Variants in UBA6 observed in about 807,000 individuals in gnomAD.
The protein encoded by UBA6 is ubiquitin like modifier activating enzyme 6, also known as ubiquitin-like modifier-activating enzyme 6.
In UBA6, 87 loss-of-function variants were observed where a neutral mutation model predicts 148.3. The observed-to-expected ratio is 0.59, with a 90% confidence interval of 0.49 to 0.70. The LOEUF (loss-of-function observed/expected upper bound fraction) is 0.70. Ranked by LOEUF, UBA6 falls within the 30% of genes least tolerant of loss-of-function variation. UBA6 has a pLI of 0.00. For missense variants in UBA6, 1,186 were observed against 1,241.2 expected, an observed-to-expected ratio of 0.96 and a Z score of 0.67; for synonymous variants, 376 against 401.0, an observed-to-expected ratio of 0.94 and a Z score of 0.75.
At chr4:67,682,091 A>ATAC (rs34482936) in intron 3 of UBA6, 28 bp downstream of exon 3, 581,551 of 1,533,578 alleles carry the variant, frequency 0.38, 111,482 homozygotes, top group Middle Eastern at 0.45. Flanking sequence ...CAAAAGTGTC[A>ATAC]AAAATTAGGA....
intron 9 of UBA6, among the ~76,000 whole-genome samples, chr4:67,667,767 T>G (rs1730042143): frequency 6.6e-6 from 1 of 152,180 alleles, no homozygotes; most frequent in Non-Finnish European, 1.5e-5. Context: ...GCCTGACATC[T>G]TTCCATTTTT....
Position 67,633,476 on chromosome 4 carries a change from A to G in UBA6, c.2014-3T>C. 1 of 1,573,688 alleles carries G rather than the reference A, an allele frequency of 6.4e-7. No individual in the cohort carries two copies. ...AAACTGTGTCCACTCTGTATCTTCT[A>G]GAATGGGAGAGAAAAAAAAAATCAA... On this transcript the variant is annotated splice_region_variant and splice_polypyrimidine_tract_variant and intron_variant, in intron 22 of 32. Coordinates refer to ENST00000322244, the MANE Select transcript of UBA6 (RefSeq NM_018227.6).
chr4:67,634,413 A>T lies in UBA6; in HGVS notation c.1932+16T>A. On this transcript the variant is annotated intron_variant, in intron 21 of 32. Transcript: ENST00000322244. ...TTCTCACTTCAAAGAAAATAAATTT[A>T]AAAAGGAACTTTTACCTTATCTCTT... 1 of 1,566,784 alleles carries T rather than the reference A, an allele frequency of 6.4e-7. No individual in the cohort carries two copies. The highest frequency in any genetic ancestry group is 8.6e-7 in the Non-Finnish European group (1 of 1,164,932).
chr4:67,699,670 G>A (rs566972635), intron 1 of UBA6, among the ~76,000 whole-genome samples: 2 of 151,998 alleles, frequency 1.3e-5, no homozygotes, highest in East Asian at 3.9e-4. Flanking sequence ...GCACGATCTC[G>A]GCTCACTGCA....
chr4:67,673,392 G>A (rs12511864), intron 7 of UBA6, among the ~76,000 whole-genome samples: 32,948 of 147,808 alleles, frequency 0.22, 3,837 homozygotes, highest in Middle Eastern at 0.3. Context: ...CTCCAGCCTG[G>A]GCGATAGAAT....
chr4:67,628,299 A>G (rs192655457), intron 27 of UBA6, among the ~76,000 whole-genome samples: 1 of 151,900 alleles, frequency 6.6e-6, no homozygotes, highest in African/African-American at 2.4e-5. Flanking sequence ...TCTTTATCAT[A>G]GCCCCAACTA....
Position 67,616,420 on chromosome 4 carries a change from ACATAGTAGAT to A in UBA6, c.*2567_*2576del, listed in dbSNP as rs759161245. ...GTTCCATGAATATCACCAGAGTGTG[ACATAGTAGAT>A]TAAAAAATAAAGATATACATTTATT... On this transcript the variant is annotated 3_prime_UTR_variant, in exon 33 of 33. Transcript: ENST00000322244. 3.3e-6 allele frequency: 1 copy of A among 300,746 alleles called. No homozygotes were observed. The highest frequency in any genetic ancestry group is 6.0e-6 in the Non-Finnish European group (1 of 165,312). The allele number at this position is 300,746 out of a possible 1,614,324, so 18.6% of individuals were successfully genotyped here. A position where few individuals can be genotyped will look rare whatever the true frequency, so the allele number is the denominator to read the frequency against.
At chr4:67,673,546 C>A in intron 7 of UBA6, 151 bp downstream of exon 7, 8 of 376,174 alleles carry the variant, frequency 2.1e-5, no homozygotes, top group Admixed American at 4.2e-5. Context: ...GTTTTAAAAA[C>A]AGGAAATGAA....
intron 13 of UBA6, among the ~76,000 whole-genome samples, chr4:67,656,041 A>G (rs1729681326): frequency 6.6e-6 from 1 of 152,230 alleles, no homozygotes; most frequent in African/African-American, 2.4e-5. Flanking sequence ...TTGGGGCAAT[A>G]ATTAATAGCC....
rs369512116 is a variant in UBA6, at chr4:67,642,885, G to A, written c.1477-1657C>T. Among the ~76,000 whole-genome samples the A allele has an allele frequency of 6.0e-4, 91 of 151,870 alleles. 1 individual carries two copies. The highest frequency in any genetic ancestry group is 1.9e-3 in the African/African-American group (80 of 41,482). On this transcript the variant is annotated intron_variant, in intron 17 of 32. Coordinates refer to ENST00000322244, the MANE Select transcript of UBA6 (RefSeq NM_018227.6). ...TAGACCTATGTTGGACCTTGCAAAC[G>A]CACTTCTTTCATTAAAAAAGGATAT...
At chr4:67,661,714 C>G (rs1364349945) in intron 13 of UBA6, 1 of 159,884 alleles carries the variant, frequency 6.3e-6, no homozygotes, top group African/African-American at 2.4e-5. Context: ...TGTTGACAAG[C>G]AGGCACTGGC....
At chr4:67,620,799 T>G (rs957547787) in intron 32 of UBA6, among the ~76,000 whole-genome samples, 2 of 152,212 alleles carry the variant, frequency 1.3e-5, no homozygotes, top group African/African-American at 4.8e-5. Context: ...ATGGGCACAG[T>G]CATCCCTATT....
chr4:67,692,753 T>C (rs1266367752), intron 2 of UBA6, among the ~76,000 whole-genome samples: 1 of 152,160 alleles, frequency 6.6e-6, no homozygotes, highest in Non-Finnish European at 1.5e-5. Flanking sequence ...CAGGGCATCA[T>C]AAAGGACCTT....
chr4:67,680,249 T>C (rs1043058379), intron 4 of UBA6, among the ~76,000 whole-genome samples: 3 of 152,122 alleles, frequency 2.0e-5, no homozygotes, highest in Non-Finnish European at 4.4e-5. Flanking sequence ...CTGCCCCTAA[T>C]GAAATAATGA....
intron 2 of UBA6, among the ~76,000 whole-genome samples, chr4:67,684,813 GTAA>G (rs1272792701): frequency 3.3e-5 from 5 of 152,170 alleles, no homozygotes; most frequent in Non-Finnish European, 7.4e-5. Flanking sequence ...TGCCTGGCAT[GTAA>G]TAATAACTGA....
chr4:67,635,328 A>C (rs567674882), intron 20 of UBA6, 125 bp downstream of exon 20: 57 of 563,696 alleles, frequency 1.0e-4, no homozygotes, highest in Non-Finnish European at 1.7e-4. Context: ...GTACATGCAC[A>C]TATGTATGAA....
chr4:67,630,585 C>T lies in UBA6; in HGVS notation c.2259-50G>A, dbSNP rs762767506. 70 of 1,145,116 alleles carry T rather than the reference C, an allele frequency of 6.1e-5. No homozygotes were observed. The Middle Eastern group carries it at 8.5e-4, about 14-fold the overall frequency. 70.9% of individuals were successfully genotyped at this position (1,145,116 alleles called of 1,614,324 possible). The stretch of plus-strand genomic sequence containing the variant: ...AAATTTGAATGTACAGTTTTAAAGA[C>T]GATATTTAACTCATTATGAACTATA... On this transcript the variant is annotated intron_variant, in intron 25 of 32. Transcript: ENST00000322244.
intron 4 of UBA6, 51 bp from the exon 5 acceptor site, chr4:67,678,584 A>G (rs778240186): frequency 2.0e-6 from 2 of 992,748 alleles, no homozygotes; most frequent in Non-Finnish European, 3.1e-6. Flanking sequence ...AAGGATATGC[A>G]CTCTCTCCAG....
chr4:67,633,487 G>GAA lies in UBA6; in HGVS notation c.2014-16_2014-15dup. Reference sequence around the variant, plus strand: ...ACTCTGTATCTTCTAGAATGGGAGAGAAAAAAAAAATCAACATACTTCCAA... The same window carrying GAA: ...ACTCTGTATCTTCTAGAATGGGAGAGAAAAAAAAAAAATCAACATACTTCCAA... On this transcript the variant is annotated splice_polypyrimidine_tract_variant and intron_variant, in intron 22 of 32. Coordinates refer to ENST00000322244, the MANE Select transcript of UBA6 (RefSeq NM_018227.6). The GAA allele has an allele frequency of 4.7e-6, 7 of 1,486,838 alleles. No individual in the cohort carries two copies. Among genetic ancestry groups the GAA allele is most frequent in the East Asian group, 2.4e-5 (1 of 41,316 alleles). 92.1% of individuals were successfully genotyped at this position (1,486,838 alleles called of 1,614,324 possible). A position where few individuals can be genotyped will look rare whatever the true frequency, so the allele number is the denominator to read the frequency against.
Sources: allele counts gnomAD v4.1 joint callset (sites outside exome capture counted in the v4.1 genomes callset), GRCh38; gene constraint gnomAD v4.1.1; transcripts MANE v1.5; gene names NCBI Gene and HGNC (gene_info 2026-07-23, HGNC 2026-07-21).